HPSE2: variants seen among roughly 807,000 people sequenced by gnomAD.
HPSE2 encodes heparanase 2 (inactive).
Under a neutral mutation model 60.5 loss-of-function variants are expected in HPSE2, and 38 were observed. That is an observed-to-expected ratio of 0.63 (90% CI 0.48 to 0.82). HPSE2 has a LOEUF of 0.82. Among genes scored for constraint, HPSE2 ranks in the 40% least tolerant of loss-of-function variants. HPSE2 has a pLI of 0.00. For synonymous variants in HPSE2, 295 were observed against 293.2 expected (o/e 1.01, Z -0.06); for missense variants, 713 against 740.4 (o/e 0.96, Z 0.43).
At chr10:99,159,085 A>G (rs1271646668) in intron 2 of HPSE2, among the ~76,000 whole-genome samples, 4 of 152,098 alleles carry the variant, frequency 2.6e-5, no homozygotes, top group African/African-American at 7.2e-5. Context: ...TCAATCAATA[A>G]TCTAAGTTCG....
At chr10:98,763,471 C>T (rs574152986) in intron 3 of HPSE2, among the ~76,000 whole-genome samples, 3 of 151,626 alleles carry the variant, frequency 2.0e-5, no homozygotes, top group South Asian at 4.2e-4. Flanking sequence ...CAGAGAAAAG[C>T]AACATATTAC....
chr10:98,997,846 C>T (rs2050978), intron 3 of HPSE2, among the ~76,000 whole-genome samples: 74,051 of 151,998 alleles, frequency 0.49, 20,229 homozygotes, highest in East Asian at 0.62. Flanking sequence ...AAAGTGAAGA[C>T]GAGGAAGGTT....
At chr10:98,793,218 G>A (rs1950696864) in intron 3 of HPSE2, among the ~76,000 whole-genome samples, 1 of 152,202 alleles carries the variant, frequency 6.6e-6, no homozygotes, top group East Asian at 1.9e-4. Context: ...CCTTATGCAT[G>A]TCCTATCCCT....
chr10:99,210,025 C>A (rs1243406299), intron 2 of HPSE2, among the ~76,000 whole-genome samples: 3 of 151,978 alleles, frequency 2.0e-5, no homozygotes, highest in African/African-American at 7.2e-5. Flanking sequence ...ATCAACAAAT[C>A]TTTAGCTAGA....
At chr10:99,132,238 AGAG>A (rs1208740542) in intron 3 of HPSE2, among the ~76,000 whole-genome samples, 3 of 65,620 alleles carry the variant, frequency 4.6e-5, no homozygotes, top group Non-Finnish European at 8.9e-5. Context: ...AGAGAGAGAG[AGAG>A]AGAAAGAAAG....
At chr10:99,118,878 G>A (rs1037974361) in intron 3 of HPSE2, among the ~76,000 whole-genome samples, 59 of 151,960 alleles carry the variant, frequency 3.9e-4, no homozygotes, top group Admixed American at 1.4e-3. Context: ...TTAGCTGGGC[G>A]TGGTGGTAGG....
intron 3 of HPSE2, among the ~76,000 whole-genome samples, chr10:98,863,187 C>T (rs905628899): frequency 1.3e-5 from 2 of 152,066 alleles, no homozygotes; most frequent in Non-Finnish European, 2.9e-5. Context: ...GAAAAAATCA[C>T]AGGCAATGAG....
intron 3 of HPSE2, among the ~76,000 whole-genome samples, chr10:98,849,417 A>G (rs765811057): frequency 6.6e-6 from 1 of 152,240 alleles, no homozygotes; most frequent in African/African-American, 2.4e-5. Flanking sequence ...AAACAGAATC[A>G]GAGTAAATAA....
At chr10:98,903,657 T>A (rs1314909819) in intron 3 of HPSE2, among the ~76,000 whole-genome samples, 1 of 152,192 alleles carries the variant, frequency 6.6e-6, no homozygotes, top group Non-Finnish European at 1.5e-5. Context: ...GTTCTTGGAC[T>A]AAAATAATTT....
At chr10:99,154,313 A>C (rs1846428159) in intron 2 of HPSE2, among the ~76,000 whole-genome samples, 2 of 125,026 alleles carry the variant, frequency 1.6e-5, no homozygotes, top group Non-Finnish European at 3.5e-5. Context: ...GATTCACCAA[A>C]GTTGAAATGA....
chr10:98,901,920 T>C (rs1316067371), intron 3 of HPSE2, among the ~76,000 whole-genome samples: 1 of 152,198 alleles, frequency 6.6e-6, no homozygotes, highest in African/African-American at 2.4e-5. Context: ...TGCTCAATTA[T>C]AATTACCAGC....
At position 99,153,194 on chromosome 10, in the gene HPSE2, C is replaced by T. The variant is rs1297288134; in HGVS notation, c.449-8795G>A. ...TGGGGGAGGGGCGCCCGCCATTGCCCAGGCTTGCTTAGGTAAACAAAGCAG... is the reference window on the plus strand; with the variant it reads ...TGGGGGAGGGGCGCCCGCCATTGCCTAGGCTTGCTTAGGTAAACAAAGCAG... On this transcript the variant is annotated intron_variant, in intron 2 of 11. Coordinates refer to ENST00000370552, the MANE Select transcript of HPSE2 (RefSeq NM_021828.5). Among the ~76,000 whole-genome samples, 3 of 152,206 alleles carry T rather than the reference C, an allele frequency of 2.0e-5. No homozygotes were observed. The East Asian group carries it at 5.8e-4, about 29-fold the overall frequency.
chr10:98,687,900 A>G (rs1947958909), intron 6 of HPSE2, among the ~76,000 whole-genome samples: 1 of 152,128 alleles, frequency 6.6e-6, no homozygotes, highest in Non-Finnish European at 1.5e-5. Context: ...CCAGTCTGAC[A>G]ATCTTTGCCT....
intron 4 of HPSE2, among the ~76,000 whole-genome samples, chr10:98,735,563 C>T (rs973845133): frequency 6.6e-6 from 1 of 151,852 alleles, no homozygotes; most frequent in Non-Finnish European, 1.5e-5. Context: ...AGACTCAATG[C>T]CAGCCCATGA....
chr10:98,982,164 G>A (rs1421546525), intron 3 of HPSE2, among the ~76,000 whole-genome samples: 2 of 151,750 alleles, frequency 1.3e-5, no homozygotes, highest in Non-Finnish European at 2.9e-5. Context: ...AAGATCACCT[G>A]TCAGAAAAAC....
chr10:99,309,894 T>C, the HPSE2 span, among the ~76,000 whole-genome samples: 2 of 152,242 alleles, frequency 1.3e-5, no homozygotes, highest in Non-Finnish European at 2.9e-5. Context: ...GTGGCTGCTG[T>C]AACAAATTAC....
intron 9 of HPSE2, among the ~76,000 whole-genome samples, chr10:98,551,028 C>A (rs1943849615): frequency 1.3e-5 from 2 of 152,064 alleles, no homozygotes; most frequent in South Asian, 2.1e-4. Flanking sequence ...AACAGTATAG[C>A]ACATTTGAGG....
chr10:98,572,527 C>T (rs141385820), intron 9 of HPSE2, among the ~76,000 whole-genome samples: 6 of 152,240 alleles, frequency 3.9e-5, no homozygotes, highest in African/African-American at 1.4e-4. Flanking sequence ...TTTCTTCCTT[C>T]TCAAGGTATT....
chr10:98,674,049 C>G (rs10883155), intron 6 of HPSE2, among the ~76,000 whole-genome samples: 5,921 of 152,192 alleles, frequency 0.039, 255 homozygotes, highest in East Asian at 0.17. Flanking sequence ...CCAGGTCATG[C>G]GGATGCTGTT....
Sources: gnomAD v4.1 joint callset for allele counts (sites outside exome capture counted in the v4.1 genomes callset) on GRCh38, gnomAD v4.1.1 for gene constraint, MANE v1.5 for transcripts, NCBI Gene and HGNC (gene_info 2026-07-23, HGNC 2026-07-21) for gene names.